The following CEP170 variants were observed in gnomAD, a reference collection of about 807,000 sequenced individuals.
The protein encoded by CEP170 is centrosomal protein of 170 kDa.
A neutral mutation model predicts 151.9 loss-of-function variants in CEP170; 21 were observed. The ratio of observed to expected loss-of-function variants is 0.14; its 90% CI spans 0.10 to 0.20. CEP170 has a LOEUF of 0.20. Among genes scored for constraint, CEP170 ranks in the 10% least tolerant of loss-of-function variants. The pLI, the probability that CEP170 is intolerant of heterozygous loss-of-function variation, is 1.00. For synonymous variants in CEP170, 356 were observed against 648.8 expected, an observed-to-expected ratio of 0.55 and a Z score of 6.86; for missense variants, 964 against 1,892.9, an observed-to-expected ratio of 0.51 and a Z score of 9.11.
At chr1:243,142,187 T>G in intron 15 of CEP170, 129 bp downstream of exon 15, 2 of 1,545,044 alleles carry the variant, frequency 1.3e-6, no homozygotes, top group South Asian at 1.3e-5. Flanking sequence ...TAAAGCAAAG[T>G]TGGAAAATGC....
At chr1:243,172,948 A>G (rs1176576682) in intron 10 of CEP170, 102 bp from the exon 11 acceptor site, 17 of 1,227,158 alleles carry the variant, frequency 1.4e-5, no homozygotes, top group Non-Finnish European at 1.7e-5. Flanking sequence ...AAATATTCCA[A>G]ATTAATTTTA....
At chr1:243,176,998 CAT>C (rs1243837240) in intron 10 of CEP170, among the ~76,000 whole-genome samples, 2 of 152,154 alleles carry the variant, frequency 1.3e-5, no homozygotes, top group Non-Finnish European at 2.9e-5. Flanking sequence ...ATATTATGAT[CAT>C]AGTCATTATT....
At chr1:243,227,563 T>A (rs1040229157) in intron 1 of CEP170, among the ~76,000 whole-genome samples, 3 of 152,154 alleles carry the variant, frequency 2.0e-5, no homozygotes, top group African/African-American at 7.2e-5. Context: ...ATTAATAACT[T>A]TTACCATTTC....
intron 2 of CEP170, among the ~76,000 whole-genome samples, chr1:243,222,982 T>C (rs139409175): frequency 2.2e-4 from 34 of 152,356 alleles, no homozygotes; most frequent in African/African-American, 7.9e-4. Context: ...AAAAATTGCT[T>C]AAAATTCATT....
intron 1 of CEP170, among the ~76,000 whole-genome samples, chr1:243,249,857 T>G (rs913068878): frequency 6.6e-6 from 1 of 152,174 alleles, no homozygotes; most frequent in Non-Finnish European, 1.5e-5. Context: ...GCCTAGGCAG[T>G]GGACCATGAG....
chr1:243,249,279 ATGG>A (rs770927696), intron 1 of CEP170, among the ~76,000 whole-genome samples: 2 of 152,172 alleles, frequency 1.3e-5, no homozygotes, highest in Admixed American at 6.5e-5. Flanking sequence ...TTAGCTGGGC[ATGG>A]TGGCGCACAC....
rs535961812 is a variant in CEP170 at position 243,245,760 on chromosome 1, CA to C, written c.-42+9279del. Among the ~76,000 whole-genome samples the C allele has an allele frequency of 9.3e-4, 140 of 150,778 alleles. 1 individual carries two copies. The highest frequency in any genetic ancestry group is 2.4e-3 in the African/African-American group (97 of 41,066). On this transcript the variant is annotated intron_variant, in intron 1 of 19. Coordinates refer to ENST00000366542, the MANE Select transcript of CEP170 (RefSeq NM_014812.3). ...AAAAAACAAAAAACAAAAAACAAAA[CA>C]AAAAAAACACAAAAAAGAAAAGAAA...
chr1:243,216,300 C>T (rs1352673046), intron 3 of CEP170, among the ~76,000 whole-genome samples: 3 of 151,970 alleles, frequency 2.0e-5, no homozygotes, highest in Admixed American at 6.6e-5. Flanking sequence ...GTGCTGCACC[C>T]ATTAACTCGT....
intron 7 of CEP170, among the ~76,000 whole-genome samples, chr1:243,198,333 C>A (rs2060798114): frequency 1.3e-5 from 2 of 152,080 alleles, no homozygotes; most frequent in African/African-American, 2.4e-5. Flanking sequence ...TCAGAAATAT[C>A]AAAAATGTGT....
intron 13 of CEP170, among the ~76,000 whole-genome samples, chr1:243,161,398 T>C (rs2058056195): frequency 6.6e-6 from 1 of 151,898 alleles, no homozygotes; most frequent in South Asian, 2.1e-4. Flanking sequence ...CAGAGAAACA[T>C]ACAGAACTCT....
chr1:243,230,865 C>G (rs2063682457), intron 1 of CEP170, among the ~76,000 whole-genome samples: 1 of 152,068 alleles, frequency 6.6e-6, no homozygotes, highest in African/African-American at 2.4e-5. Context: ...TTCCAAAATA[C>G]ATCAATACAC....
intron 10 of CEP170, among the ~76,000 whole-genome samples, chr1:243,184,720 C>T (rs2059830471): frequency 6.6e-6 from 1 of 151,372 alleles, no homozygotes; most frequent in Non-Finnish European, 1.5e-5. Flanking sequence ...TTCCTGCATC[C>T]CAAAGGGTTA....
At chr1:243,135,331 C>T (rs1333648857) in intron 17 of CEP170, among the ~76,000 whole-genome samples, 5 of 152,144 alleles carry the variant, frequency 3.3e-5, no homozygotes, top group East Asian at 3.9e-4. Context: ...CTCAGCCTCC[C>T]GAGTAACTGG....
At chr1:243,181,590 T>G (rs2059620482) in intron 10 of CEP170, among the ~76,000 whole-genome samples, 1 of 152,166 alleles carries the variant, frequency 6.6e-6, no homozygotes, top group South Asian at 2.1e-4. Context: ...GAAATCCTAT[T>G]TTAATGCTAT....
At chr1:243,250,406 G>C (rs2065833404) in intron 1 of CEP170, among the ~76,000 whole-genome samples, 1 of 152,166 alleles carries the variant, frequency 6.6e-6, no homozygotes, top group African/African-American at 2.4e-5. Context: ...GGAGGCAATG[G>C]TAAAATACTG....
intron 10 of CEP170, among the ~76,000 whole-genome samples, chr1:243,184,207 G>C (rs1214511662): frequency 6.6e-6 from 1 of 151,900 alleles, no homozygotes; most frequent in Non-Finnish European, 1.5e-5. Context: ...TTATAATCTA[G>C]TGATATCGCC....
At chr1:243,218,649 C>T (rs2062526572) in intron 3 of CEP170, among the ~76,000 whole-genome samples, 1 of 152,140 alleles carries the variant, frequency 6.6e-6, no homozygotes, top group Non-Finnish European at 1.5e-5. Context: ...TAAACAGTAA[C>T]AGTGAATTCT....
At chr1:243,139,166 G>T (rs1212121383) in intron 16 of CEP170, among the ~76,000 whole-genome samples, 4 of 151,226 alleles carry the variant, frequency 2.6e-5, no homozygotes, top group Non-Finnish European at 5.9e-5. Context: ...CAGTGGTGTG[G>T]GTTCAGCTCA....
intron 17 of CEP170, among the ~76,000 whole-genome samples, chr1:243,131,334 A>C (rs2148188388): frequency 6.6e-6 from 1 of 152,210 alleles, no homozygotes; most frequent in South Asian, 2.1e-4. Context: ...TCTATAAAAA[A>C]TACAAAAAAA....
Sources: gnomAD v4.1 joint callset for allele counts (sites outside exome capture counted in the v4.1 genomes callset) on GRCh38, gnomAD v4.1.1 for gene constraint, MANE v1.5 for transcripts, NCBI Gene and HGNC (gene_info 2026-07-23, HGNC 2026-07-21) for gene names.